The following PVT1 variants were observed in gnomAD, a reference collection of about 807,000 sequenced individuals.
PVT1 encodes CXCR4/PVT1 fusion.
intron 2 of PVT1, among the ~76,000 whole-genome samples, chr8:127,864,500 C>G (rs906358835): frequency 6.6e-6 from 1 of 152,146 alleles, no homozygotes; most frequent in African/African-American, 2.4e-5. Flanking sequence ...TTCTCTTATT[C>G]TTTTCCTGTT....
At chr8:127,906,950 T>C (rs1233157615) in intron 3 of PVT1, among the ~76,000 whole-genome samples, 1 of 148,422 alleles carries the variant, frequency 6.7e-6, no homozygotes, top group African/African-American at 2.5e-5. Context: ...CCTGGCACTC[T>C]CTCTTTTTTT....
intron 4 of PVT1, among the ~76,000 whole-genome samples, chr8:127,998,602 T>C (rs999869333): frequency 6.7e-6 from 1 of 150,266 alleles, no homozygotes; most frequent in Non-Finnish European, 1.5e-5. Context: ...TTCTTTTTTC[T>C]TTTCTTTCCT....
chr8:127,953,816 CTTCTTTTCTTTTGTTTCCTT>C (rs1305909050), intron 3 of PVT1, among the ~76,000 whole-genome samples: 1 of 152,000 alleles, frequency 6.6e-6, no homozygotes, highest in African/African-American at 2.4e-5. Context: ...TTCCTTTCCT[CTTCTTTTCTTTTGTTTCCTT>C]TTCTTTTCTT....
At chr8:128,042,339 T>C (rs1171755976) in intron 4 of PVT1, among the ~76,000 whole-genome samples, 1 of 152,236 alleles carries the variant, frequency 6.6e-6, no homozygotes, top group Non-Finnish European at 1.5e-5. Context: ...ATTATTTCTC[T>C]GGATGTAGAA....
At chr8:128,041,136 GC>G (rs1258445405) in intron 4 of PVT1, among the ~76,000 whole-genome samples, 2 of 150,806 alleles carry the variant, frequency 1.3e-5, no homozygotes, top group African/African-American at 4.9e-5. Context: ...GCATGTGTGT[GC>G]ATGTGTGTTT....
intron 3 of PVT1, among the ~76,000 whole-genome samples, chr8:127,963,133 A>C (rs764903200): frequency 3.0e-4 from 45 of 152,196 alleles, no homozygotes; most frequent in Non-Finnish European, 6.0e-4. Context: ...AGAAGTGCCC[A>C]AGACAGGATC....
intron 3 of PVT1, among the ~76,000 whole-genome samples, chr8:127,951,987 T>A (rs1354821920): frequency 2.0e-5 from 3 of 152,020 alleles, no homozygotes; most frequent in Non-Finnish European, 4.4e-5. Context: ...GACTAATGTT[T>A]GTGTTTTTAG....
intron 2 of PVT1, among the ~76,000 whole-genome samples, chr8:127,807,845 G>A (rs1424520606): frequency 2.7e-5 from 4 of 150,526 alleles, no homozygotes; most frequent in South Asian, 2.1e-4. Context: ...TCGGCTCACC[G>A]CAAGCTCCGC....
At chr8:127,826,014 CTTTTTTTTTT>C (rs57575268) in intron 2 of PVT1, among the ~76,000 whole-genome samples, 2 of 89,696 alleles carry the variant, frequency 2.2e-5, no homozygotes, top group Admixed American at 1.5e-4. Flanking sequence ...CCATGCCCAG[CTTTTTTTTTT>C]TTTTTTTTTT....
intron 5 of PVT1, among the ~76,000 whole-genome samples, chr8:128,091,940 G>A (rs1334679597): frequency 1.3e-5 from 2 of 152,114 alleles, no homozygotes; most frequent in African/African-American, 4.8e-5. Flanking sequence ...GCTGAGAGCT[G>A]TCCTCATAAG....
At position 128,031,902 on chromosome 8, in the gene PVT1, T is replaced by G. The variant is rs1229587812; in HGVS notation, n.913-38258T>G. On this transcript the variant is annotated intron_variant and non_coding_transcript_variant, in intron 4 of 10. Coordinates refer to ENST00000651587, the Ensembl canonical transcript of PVT1. ...GTTGTGAAACACTGGTCCACCTTGC[T>G]CCCCATTTCTTCCCCCTAGCCTTTG... Among the ~76,000 whole-genome samples the G allele has an allele frequency of 2.6e-5, 4 of 152,182 alleles. No homozygotes were observed. The East Asian group carries it at 5.8e-4, about 22-fold the overall frequency.
At chr8:127,873,378 A>AC (rs2129773164) in intron 2 of PVT1, among the ~76,000 whole-genome samples, 1 of 152,118 alleles carries the variant, frequency 6.6e-6, no homozygotes, top group East Asian at 1.9e-4. Context: ...TAGGAAGGAG[A>AC]CCCCTTCTAA....
chr8:127,802,228 A>G (rs571354190), intron 2 of PVT1, among the ~76,000 whole-genome samples: 3 of 152,026 alleles, frequency 2.0e-5, no homozygotes, highest in African/African-American at 4.8e-5. Flanking sequence ...TTGTTTATTT[A>G]TATGAGACAC....
At chr8:128,047,382 C>T (rs928589021) in intron 4 of PVT1, among the ~76,000 whole-genome samples, 3 of 152,178 alleles carry the variant, frequency 2.0e-5, no homozygotes, top group African/African-American at 7.2e-5. Context: ...GTTTCTTGGC[C>T]ACCAGAATGG....
chr8:128,053,777 C>T (rs1395281713), intron 4 of PVT1, among the ~76,000 whole-genome samples: 1 of 152,210 alleles, frequency 6.6e-6, no homozygotes, highest in Non-Finnish European at 1.5e-5. Context: ...CAGCATCTGT[C>T]AGCAGGTACA....
chr8:127,873,381 C>T (rs914072667), intron 2 of PVT1, among the ~76,000 whole-genome samples: 6 of 152,148 alleles, frequency 3.9e-5, no homozygotes, highest in Admixed American at 3.3e-4. Flanking sequence ...GAAGGAGACC[C>T]CTTCTAACTT....
intron 4 of PVT1, among the ~76,000 whole-genome samples, chr8:128,051,200 C>T (rs1039943257): frequency 1.6e-4 from 24 of 152,206 alleles, no homozygotes; most frequent in African/African-American, 2.9e-4. Flanking sequence ...AATGAAGATT[C>T]TGTCTTCACA....
chr8:128,096,055 G>A (rs1204521732), intron 5 of PVT1, among the ~76,000 whole-genome samples: 1 of 152,152 alleles, frequency 6.6e-6, no homozygotes, highest in Non-Finnish European at 1.5e-5. Flanking sequence ...AGAGCACAGA[G>A]GACATGAGTC....
chr8:127,965,028 A>C (rs1296910584), intron 3 of PVT1, among the ~76,000 whole-genome samples: 1 of 152,134 alleles, frequency 6.6e-6, no homozygotes, highest in African/African-American at 2.4e-5. Context: ...CCAGATTCTA[A>C]GGGCAATATC....
Sources: allele counts gnomAD v4.1 joint callset (sites outside exome capture counted in the v4.1 genomes callset), GRCh38; gene constraint gnomAD v4.1.1; transcripts MANE v1.5; gene names NCBI Gene and HGNC (gene_info 2026-07-23, HGNC 2026-07-21).